MYO1H: variants seen among roughly 807,000 people sequenced by gnomAD.
The protein encoded by MYO1H is unconventional myosin-Ih.
MYO1H carries 118 observed loss-of-function variants against 149.3 expected under a neutral mutation model. That is an observed-to-expected ratio of 0.79 (90% CI 0.68 to 0.92). The LOEUF is 0.92. Ranked by LOEUF, MYO1H falls within the 40% of genes least tolerant of loss-of-function variation. MYO1H has a pLI of 0.00. For missense variants in MYO1H, 1,212 were observed against 1,280.7 expected, an observed-to-expected ratio of 0.95 and a Z score of 0.82; for synonymous variants, 447 against 465.2, an observed-to-expected ratio of 0.96 and a Z score of 0.50.
At chr12:109,402,504 C>T (rs1870207827) in intron 6 of MYO1H, among the ~76,000 whole-genome samples, 1 of 152,136 alleles carries the variant, frequency 6.6e-6, no homozygotes, top group South Asian at 2.1e-4. Flanking sequence ...CACGGTGGCT[C>T]ACACCTGTAT....
In MYO1H at chr12:109,427,899, A is replaced by ATATATAT. The variant is rs1566038875; in HGVS notation, c.1949+313_1949+314insTATATAT. On this transcript the variant is annotated intron_variant, in intron 19 of 31. Transcript: ENST00000310903. Reference sequence around the variant, plus strand: ...ATCTCTACAAAAAAAAAAAAAAAAAAAAAAAAAAAAATATATATATATATA... The same window carrying ATATATAT: ...ATCTCTACAAAAAAAAAAAAAAAAAATATATATAAAAAAAAAAATATATATATATATA... Among the ~76,000 whole-genome samples, 276 of 51,376 alleles carry ATATATAT rather than the reference A, an allele frequency of 5.4e-3. 19 individuals carry two copies. Among genetic ancestry groups the ATATATAT allele is most frequent in the African/African-American group, 0.02 (266 of 13,156 alleles). 33.7% of individuals were successfully genotyped at this position (51,376 alleles called of 152,430 possible). A position where few individuals can be genotyped will look rare whatever the true frequency, so the allele number is the denominator to read the frequency against.
chr12:109,314,356 A>G, the MYO1H span, among the ~76,000 whole-genome samples: 34 of 152,102 alleles, frequency 2.2e-4, no homozygotes, highest in Non-Finnish European at 4.7e-4. Context: ...TGAATCATCA[A>G]AGACATAACA....
At chr12:109,341,427 A>G in the MYO1H span, among the ~76,000 whole-genome samples, 2 of 152,202 alleles carry the variant, frequency 1.3e-5, no homozygotes, top group African/African-American at 4.8e-5. Flanking sequence ...TGGCTGAACG[A>G]TAGCAATCGT....
chr12:109,404,080 G>C (rs766546108), exon 7 of MYO1H: 1 of 1,611,350 alleles, frequency 6.2e-7, no homozygotes, highest in Non-Finnish European at 8.5e-7. Context: ...CTGACCTCGA[G>C]GTACGTGCTT....
intron 1 of MYO1H, among the ~76,000 whole-genome samples, chr12:109,363,170 T>A (rs1868789593): frequency 6.6e-6 from 1 of 152,236 alleles, no homozygotes; most frequent in African/African-American, 2.4e-5. Context: ...CAAAAAAAAT[T>A]ACATGCTAGT....
rs1164342042 is a variant in MYO1H, at chr12:109,431,982, T to TA, written c.1950-905dup. 1.3e-3 allele frequency among the ~76,000 whole-genome samples: 172 copies of TA among 131,694 alleles called. 1 individual carries two copies. Among genetic ancestry groups the TA allele is most frequent in the African/African-American group, 4.5e-3 (156 of 34,398 alleles). 86.4% of individuals were successfully genotyped at this position (131,694 alleles called of 152,430 possible). On this transcript the variant is annotated intron_variant, in intron 19 of 31. Transcript: ENST00000310903. ...ACAGCCGCACACTGCCACACCTGGC[T>TA]AAAAAAAAAATTTTTTTTTTTTTTT...
At chr12:109,380,461 C>T (rs1869181855) in intron 1 of MYO1H, among the ~76,000 whole-genome samples, 1 of 152,162 alleles carries the variant, frequency 6.6e-6, no homozygotes, top group South Asian at 2.1e-4. Context: ...TGTGTCTCTA[C>T]AATTCCAGTG....
exon 14 of MYO1H, chr12:109,411,974 A>G (rs1870696677): frequency 6.3e-7 from 1 of 1,591,662 alleles, no homozygotes; most frequent in Admixed American, 1.8e-5. Context: ...GCAAACATGC[A>G]CACTTCGAAA....
chr12:109,447,704 G>A lies in MYO1H; in HGVS notation c.*522G>A, dbSNP rs150581157. 1.1e-3 allele frequency: 197 copies of A among 172,854 alleles called. 2 individuals are homozygous for A. In the East Asian group the frequency reaches 0.02, roughly 18 times the overall value. 10.7% of individuals were successfully genotyped at this position (172,854 alleles called of 1,614,324 possible). On this transcript the variant is annotated 3_prime_UTR_variant, in exon 32 of 32. Transcript: ENST00000310903. ...CGTCCCCAAGGTGTGTGTGTCAGGT[G>A]CACTGGCGTGTCTATGCGGTCCCAG...
At chr12:109,430,700 G>T (rs891243641) in intron 19 of MYO1H, among the ~76,000 whole-genome samples, 6 of 152,168 alleles carry the variant, frequency 3.9e-5, no homozygotes, top group Admixed American at 1.3e-4. Context: ...AGGCCGAAAA[G>T]TGATCACCTG....
intron 4 of MYO1H, 78 bp from the exon 5 acceptor site, chr12:109,397,654 T>C: frequency 8.8e-7 from 1 of 1,130,864 alleles, no homozygotes; most frequent in Non-Finnish European, 1.3e-6. Context: ...ATTTTTGTAA[T>C]AAGTGTATTA....
chr12:109,416,993 G>C (rs1175894328), intron 15 of MYO1H, among the ~76,000 whole-genome samples: 3 of 147,774 alleles, frequency 2.0e-5, no homozygotes, highest in Non-Finnish European at 4.5e-5. Flanking sequence ...GGCAACAAGA[G>C]TGAAACTCCA....
intron 7 of MYO1H, among the ~76,000 whole-genome samples, 168 bp downstream of exon 7, chr12:109,404,248 C>T (rs999957531): frequency 1.3e-5 from 2 of 151,996 alleles, no homozygotes; most frequent in South Asian, 2.1e-4. Context: ...GAGGACAAGG[C>T]GGGCGGATCA....
intron 19 of MYO1H, among the ~76,000 whole-genome samples, chr12:109,427,936 A>T (rs1297084744): frequency 9.9e-6 from 1 of 100,754 alleles, no homozygotes; most frequent in Non-Finnish European, 2.0e-5. Flanking sequence ...ATATATATAT[A>T]TTAGATGGGT....
At chr12:109,404,194 G>A in intron 7 of MYO1H, 114 bp downstream of exon 7, 2 of 777,810 alleles carry the variant, frequency 2.6e-6, no homozygotes, top group Non-Finnish European at 4.3e-6. Context: ...AATACAGGAT[G>A]CAGCTGGGTG....
At chr12:109,382,701 A>T in intron 1 of MYO1H, among the ~76,000 whole-genome samples, 1 of 151,876 alleles carries the variant, frequency 6.6e-6, no homozygotes, top group East Asian at 1.9e-4. Context: ...ATTTACCTCG[A>T]AATAATCCAG....
At chr12:109,382,264 C>A (rs1430685663) in intron 1 of MYO1H, among the ~76,000 whole-genome samples, 1 of 152,114 alleles carries the variant, frequency 6.6e-6, no homozygotes, top group Non-Finnish European at 1.5e-5. Context: ...TTCAAACAAC[C>A]AGTTTTCAGG....
the MYO1H span, among the ~76,000 whole-genome samples, chr12:109,341,480 CAG>C: frequency 6.6e-6 from 1 of 152,142 alleles, no homozygotes; most frequent in African/African-American, 2.4e-5. Context: ...AGCAAATATT[CAG>C]AGTTTGCTAT....
the MYO1H span, among the ~76,000 whole-genome samples, chr12:109,339,672 G>C: frequency 6.6e-6 from 1 of 152,306 alleles, no homozygotes; most frequent in Non-Finnish European, 1.5e-5. Context: ...ATCCAAAAAT[G>C]TTGGGAAGAA....
Sources: allele counts gnomAD v4.1 joint callset (sites outside exome capture counted in the v4.1 genomes callset), GRCh38; gene constraint gnomAD v4.1.1; transcripts MANE v1.5; gene names NCBI Gene and HGNC (gene_info 2026-07-23, HGNC 2026-07-21).